Variants in NFAT5 observed in about 807,000 individuals in gnomAD.
The protein encoded by NFAT5 is nuclear factor of activated T cells 5.
Under a neutral mutation model 166.5 loss-of-function variants are expected in NFAT5, and 31 were observed. The ratio of observed to expected loss-of-function variants is 0.19; its 90% CI spans 0.14 to 0.25. The LOEUF is 0.25. NFAT5 is among the 10% of genes least tolerant of loss of function. The pLI is 1.00. For synonymous variants in NFAT5, 612 were observed against 639.7 expected, an observed-to-expected ratio of 0.96 and a Z score of 0.65; for missense variants, 1,449 against 1,821.8, an observed-to-expected ratio of 0.80 and a Z score of 3.72.
intron 2 of NFAT5, among the ~76,000 whole-genome samples, chr16:69,617,769 G>A (rs543111573): frequency 6.6e-6 from 1 of 152,012 alleles, no homozygotes; most frequent in Non-Finnish European, 1.5e-5. Flanking sequence ...CTGGATTACA[G>A]GCATGAGCCA....
At chr16:69,634,728 T>G (rs770056280) in intron 3 of NFAT5, among the ~76,000 whole-genome samples, 2 of 152,198 alleles carry the variant, frequency 1.3e-5, no homozygotes, top group African/African-American at 2.4e-5. Context: ...GTACATAGTT[T>G]TATTTATTTG....
chr16:69,591,664 T>C (rs1337993173), intron 2 of NFAT5, among the ~76,000 whole-genome samples: 2 of 152,334 alleles, frequency 1.3e-5, no homozygotes, highest in African/African-American at 4.8e-5. Flanking sequence ...AAGTTGATTT[T>C]TCAGGATAAG....
intron 7 of NFAT5, among the ~76,000 whole-genome samples, chr16:69,665,273 C>G (rs1219732622): frequency 2.7e-5 from 4 of 149,804 alleles, no homozygotes; most frequent in Admixed American, 6.7e-5. Context: ...CAGGGATGCC[C>G]TCTCTCACCA....
At chr16:69,680,775 T>G (rs2037026012) in intron 10 of NFAT5, among the ~76,000 whole-genome samples, 1 of 152,214 alleles carries the variant, frequency 6.6e-6, no homozygotes, top group Non-Finnish European at 1.5e-5. Context: ...GTTTTGTTTT[T>G]TTGAGATGAA....
Position 69,653,277 on chromosome 16 carries a change from C to G in NFAT5, c.854C>G (p.Pro285Arg). ...NQKGTGVKKS[P>R]MLCGQYPVKS... The stretch of plus-strand genomic sequence containing the variant: ...AAAGGAACTGGAGTAAAGAAGAGCC[C>G]TATGTTGTGTGGACAATATCCTGTT... The change falls in exon 5 of 15, where the codon CCT (proline) becomes CGT (arginine). Residue 285 changes from proline (P) to arginine (R), a missense_variant. Around this residue, in one of 7 missense-constraint regions of NFAT5, gnomAD observed 115 missense variants for 177.1 expected, o/e 0.65. Transcript: ENST00000349945. The G allele has an allele frequency of 1.9e-6, 3 of 1,607,928 alleles. No homozygotes were observed. The highest frequency in any genetic ancestry group is 8.5e-7 in the Non-Finnish European group (1 of 1,178,388).
chr16:69,638,184 A>G (rs1014092945), intron 3 of NFAT5, among the ~76,000 whole-genome samples: 1 of 152,152 alleles, frequency 6.6e-6, no homozygotes, highest in Non-Finnish European at 1.5e-5. Flanking sequence ...ACGCCATTGC[A>G]CTCCAGCCTG....
At chr16:69,679,578 A>G (rs952781272) in intron 10 of NFAT5, among the ~76,000 whole-genome samples, 8 of 151,966 alleles carry the variant, frequency 5.3e-5, no homozygotes, top group African/African-American at 1.4e-4. Context: ...TCACACCACT[A>G]TACTCTAGCC....
intron 6 of NFAT5, among the ~76,000 whole-genome samples, chr16:69,658,443 A>G (rs1228045199): frequency 1.3e-5 from 2 of 151,446 alleles, no homozygotes; most frequent in African/African-American, 2.4e-5. Context: ...AGATTGCAAC[A>G]TTGTGCTCCA....
Position 69,692,260 on chromosome 16 carries a change from G to C in NFAT5, c.2435G>C (p.Ser812Thr), listed in dbSNP as rs903831612. ...AGTACTGCTAGTGGCAGCAGTGGAA[G>C]TGTTGACTTGGTCCAACAAGTTTTA... The part of the protein sequence containing the change: ...TGSTASGSSG[S>T]VDLVQQVLEA... The change falls in exon 13 of 15, where the codon AGT (serine) becomes ACT (threonine). Residue 812 changes from serine to threonine, a missense_variant. Ser to Thr is a moderately conservative substitution (Grantham distance 58). Around this residue, in one of 7 missense-constraint regions of NFAT5, gnomAD observed 891 missense variants for 993.0 expected, o/e 0.90. Transcript: ENST00000349945. 9.3e-6 allele frequency: 15 copies of C among 1,614,068 alleles called. No individual in the cohort carries two copies. Among genetic ancestry groups the C allele is most frequent in the African/African-American group, 1.3e-5 (1 of 74,936 alleles).
At chr16:69,684,729 G>A (rs1320578277) in intron 10 of NFAT5, among the ~76,000 whole-genome samples, 158 bp from the exon 11 acceptor site, 1 of 152,068 alleles carries the variant, frequency 6.6e-6, no homozygotes, top group Non-Finnish European at 1.5e-5. Flanking sequence ...CTTGGAGATT[G>A]GAGAATTTAG....
intron 2 of NFAT5, among the ~76,000 whole-genome samples, chr16:69,613,761 T>C (rs915603021): frequency 6.6e-6 from 1 of 152,224 alleles, no homozygotes; most frequent in Non-Finnish European, 1.5e-5. Context: ...ACATACTGCA[T>C]TATTTTAAAC....
At chr16:69,683,273 T>TGTAATCCCA (rs2037147121) in intron 10 of NFAT5, among the ~76,000 whole-genome samples, 1 of 152,150 alleles carries the variant, frequency 6.6e-6, no homozygotes, top group South Asian at 2.1e-4. Flanking sequence ...GGTTCATGCC[T>TGTAATCCCA]GTAATCCCAG....
chr16:69,568,039 G>T (rs943596990), intron 1 of NFAT5, among the ~76,000 whole-genome samples: 1 of 152,146 alleles, frequency 6.6e-6, no homozygotes, highest in Non-Finnish European at 1.5e-5. Context: ...TTGGCCGGGC[G>T]CAGTGGCTCA....
At chr16:69,655,173 T>G (rs1019958165) in intron 5 of NFAT5, among the ~76,000 whole-genome samples, 4 of 152,244 alleles carry the variant, frequency 2.6e-5, no homozygotes, top group South Asian at 2.1e-4. Flanking sequence ...CACTCATACT[T>G]TTCTATTCAA....
chr16:69,631,160 C>T (rs1184296977), intron 3 of NFAT5, among the ~76,000 whole-genome samples: 1 of 152,204 alleles, frequency 6.6e-6, no homozygotes, highest in African/African-American at 2.4e-5. Context: ...AGGCCGGGTA[C>T]ACTGGCTCAC....
At chr16:69,595,379 A>T (rs1189698836) in intron 2 of NFAT5, among the ~76,000 whole-genome samples, 1 of 152,068 alleles carries the variant, frequency 6.6e-6, no homozygotes. Flanking sequence ...GTATTCCCGA[A>T]TCTGTGTCAG....
Position 69,692,537 on chromosome 16 carries a change from A to G in NFAT5, c.2712A>G (p.Gln904=). ...LSNQQQQQQQ[Q]QQVMESSAAM... ...ATCAACAGCAGCAGCAGCAGCAGCA[A>G]CAGCAAGTGATGGAATCTTCAGCCG... The change falls in exon 13 of 15, where the codon CAA becomes CAG. Residue 904 remains glutamine (Q), a synonymous_variant. Coordinates refer to ENST00000349945, the MANE Select transcript of NFAT5 (RefSeq NM_138713.4). 1 of 1,614,114 alleles carries G rather than the reference A, an allele frequency of 6.2e-7. No individual in the cohort carries two copies.
At chr16:69,583,014 A>AT (rs1215881171) in intron 2 of NFAT5, among the ~76,000 whole-genome samples, 3 of 150,920 alleles carry the variant, frequency 2.0e-5, no homozygotes, top group East Asian at 1.9e-4. Context: ...ATGTCTTTTT[A>AT]TTTTTTTTAG....
intron 7 of NFAT5, among the ~76,000 whole-genome samples, chr16:69,664,352 C>A (rs1471563739): frequency 6.6e-6 from 1 of 151,888 alleles, no homozygotes; most frequent in Non-Finnish European, 1.5e-5. Context: ...AGTGGCGATC[C>A]CGGCTCACTG....
Sources: gnomAD v4.1 joint callset for allele counts (sites outside exome capture counted in the v4.1 genomes callset) on GRCh38, gnomAD v4.1.1 for gene constraint, gnomAD v4.1.1 regional missense constraint, MANE v1.5 for transcripts, NCBI Gene and HGNC (gene_info 2026-07-23, HGNC 2026-07-21) for gene names.